Variants in EIF5B observed in about 807,000 individuals in gnomAD.
EIF5B encodes eukaryotic translation initiation factor 5B.
Under a neutral mutation model 147.5 loss-of-function variants are expected in EIF5B, and 47 were observed. The observed-to-expected ratio is 0.32, with a 90% CI of 0.25 to 0.41. The LOEUF (loss-of-function observed/expected upper bound fraction) is 0.41. Ranked by LOEUF, EIF5B falls within the 10% of genes least tolerant of loss-of-function variation. The pLI is 1.00. For missense variants in EIF5B, 1,064 were observed against 1,413.2 expected (o/e 0.75, Z 3.96); for synonymous variants, 455 against 456.2 (o/e 1.00, Z 0.03).
At chr2:99,398,642 T>C in intron 22 of EIF5B, 106 bp from the exon 23 acceptor site, 2 of 1,284,184 alleles carry the variant, frequency 1.6e-6, no homozygotes, top group South Asian at 3.1e-5. Context: ...TGCCATGACT[T>C]TTAAAACAGG....
intron 9 of EIF5B, among the ~76,000 whole-genome samples, chr2:99,372,031 G>C (rs556531616): frequency 6.6e-6 from 1 of 152,274 alleles, no homozygotes; most frequent in East Asian, 1.9e-4. Flanking sequence ...AAAAAGCACT[G>C]TTAACTTAAA....
intron 1 of EIF5B, among the ~76,000 whole-genome samples, chr2:99,345,750 GC>G (rs1202277525): frequency 6.6e-6 from 1 of 151,970 alleles, no homozygotes; most frequent in Non-Finnish European, 1.5e-5. Context: ...TTTAAGACCA[GC>G]CCGTGCAACG....
At chr2:99,351,082 T>C (rs1237433957) in intron 1 of EIF5B, among the ~76,000 whole-genome samples, 1 of 152,242 alleles carries the variant, frequency 6.6e-6, no homozygotes, top group East Asian at 1.9e-4. Context: ...ATCCCAGCAC[T>C]TTGGGAGGCC....
chr2:99,399,361 AAG>A lies in EIF5B; in HGVS notation c.3613_3614del (p.Ser1205Ter). 1 of 1,614,178 alleles carries A rather than the reference AAG, an allele frequency of 6.2e-7. No individual in the cohort carries two copies. Among genetic ancestry groups the A allele is most frequent in the Non-Finnish European group, 8.5e-7 (1 of 1,180,028 alleles). On this transcript the variant is annotated frameshift_variant, in exon 24 of 24. Transcript: ENST00000289371. LOFTEE classifies it high-confidence loss of function. Reference protein sequence around the residue: ...LKDWFRDEMQKSDWQLIVELK... With the variant: ...LKDWFRDEMQXSDWQLIVELK... ...AGACTGGTTCAGAGATGAAATGCAG[AAG>A]AGTGACTGGCAGCTTATTGTGGAGC...
At chr2:99,355,012 C>G (rs987993344) in intron 1 of EIF5B, among the ~76,000 whole-genome samples, 3 of 152,032 alleles carry the variant, frequency 2.0e-5, no homozygotes, top group African/African-American at 7.2e-5. Flanking sequence ...CCATGTTGGC[C>G]AGGCCAGTCT....
At chr2:99,363,513 T>G in intron 4 of EIF5B, 132 bp from the exon 5 acceptor site, 1 of 872,786 alleles carries the variant, frequency 1.1e-6, no homozygotes, top group South Asian at 1.7e-5. Context: ...CCTTGATGCC[T>G]GTAGAACTTA....
At chr2:99,338,056 T>C (rs565214843) in intron 1 of EIF5B, among the ~76,000 whole-genome samples, 97 of 152,338 alleles carry the variant, frequency 6.4e-4, no homozygotes, top group African/African-American at 2.2e-3. Flanking sequence ...GTTAGAGTTA[T>C]GGGGAGGTGT....
chr2:99,383,481 T>C (rs922948776), intron 14 of EIF5B, among the ~76,000 whole-genome samples: 1 of 152,120 alleles, frequency 6.6e-6, no homozygotes, highest in South Asian at 2.1e-4. Flanking sequence ...GAGTCACACA[T>C]AGAATATCAG....
rs1190196846 is a variant in EIF5B at position 99,394,795 on chromosome 2, A to G, written c.3166A>G (p.Ile1056Val). The change falls in exon 21 of 24, where the codon ATT becomes GTT. Residue 1056 changes from isoleucine (I) to valine (V), a missense_variant. Physicochemically the swap from Ile to Val is conservative, Grantham distance 29 (BLOSUM62 3). This residue lies in a region of EIF5B where 380 missense variants were observed against 715.6 expected (regional missense o/e 0.53). Transcript: ENST00000289371. ...QEMADSLGVRIFSAEIIYHLF... is the reference protein window; with the variant it reads ...QEMADSLGVRVFSAEIIYHLF... ...AATGGCTGATAGTTTAGGAGTTAGA[A>G]TTTTTAGTGCAGAAATTATTTATCA... is the stretch of plus-strand genomic sequence containing the variant. 6.2e-7 allele frequency: 1 copy of G among 1,613,464 alleles called. No homozygotes were observed. Among genetic ancestry groups the G allele is most frequent in the Admixed American group, 1.7e-5 (1 of 59,914 alleles).
At chr2:99,396,952 T>TC in intron 22 of EIF5B, 54 bp downstream of exon 22, 1 of 1,553,412 alleles carries the variant, frequency 6.4e-7, no homozygotes, top group Non-Finnish European at 8.7e-7. Context: ...TAAATGAGTG[T>TC]CCAAGAGTCG....
rs1674568309 is a variant in EIF5B at position 99,376,578 on chromosome 2, C to G, written c.1784C>G (p.Ser595Cys). Residue 595 changes from serine (S) to cysteine (C), a missense_variant, in exon 10 of 24, where the codon TCT becomes TGT. Ser to Cys is a moderately radical substitution (Grantham distance 112, BLOSUM62 -1). Transcript: ENST00000289371. ...ATGAGCTCAGATTCTGAATATGACT[C>G]TGATGATGATCGGACTAAAGAAGAA... Reference protein sequence around the residue: ...KEMSSDSEYDSDDDRTKEERA... With the variant: ...KEMSSDSEYDCDDDRTKEERA... 1 of 1,613,826 alleles carries G rather than the reference C, an allele frequency of 6.2e-7. No homozygotes were observed. The highest frequency in any genetic ancestry group is 1.7e-5 in the Admixed American group (1 of 59,992).
Position 99,364,285 on chromosome 2 carries a change from A to C in EIF5B, c.1152A>C (p.Gln384His). 2 of 1,600,094 alleles carry C rather than the reference A, an allele frequency of 1.2e-6. No individual in the cohort carries two copies. Among genetic ancestry groups the C allele is most frequent in the South Asian group, 2.3e-5 (2 of 88,162 alleles). The change falls in exon 6 of 24, where the codon CAA becomes CAC. Residue 384 changes from glutamine to histidine, a missense_variant. By Grantham distance (24) the Gln-to-His change is conservative. Coordinates refer to ENST00000289371, the MANE Select transcript of EIF5B (RefSeq NM_015904.4). ...AKRKEEERLE[Q>H]EKRERKKQKE... The stretch of plus-strand genomic sequence containing the variant: ...CTCTTTTATAGGAACGATTGGAACA[A>C]GAAAAAAGAGAAAGGAAAAAGCAAA...
chr2:99,391,717 T>G (rs1351184557), intron 17 of EIF5B, among the ~76,000 whole-genome samples: 10 of 152,042 alleles, frequency 6.6e-5, no homozygotes, highest in Non-Finnish European at 1.5e-4. Context: ...GTGTGTACTT[T>G]TATAGCTGGC....
At chr2:99,394,673 ACT>A in intron 20 of EIF5B, 44 bp from the exon 21 acceptor site, 2 of 1,609,586 alleles carry the variant, frequency 1.2e-6, no homozygotes, top group Admixed American at 1.7e-5. Flanking sequence ...TCTGTGACAT[ACT>A]CTGTTTTTCA....
intron 1 of EIF5B, among the ~76,000 whole-genome samples, chr2:99,349,416 T>C (rs1285636090): frequency 6.6e-6 from 1 of 152,258 alleles, no homozygotes; most frequent in African/African-American, 2.4e-5. Context: ...TGAAATTTGC[T>C]AAGTTTGGAA....
chr2:99,359,755 A>G (rs1191683296), intron 1 of EIF5B, among the ~76,000 whole-genome samples: 2 of 152,158 alleles, frequency 1.3e-5, no homozygotes, highest in Non-Finnish European at 1.5e-5. Context: ...TAGTTTTCCC[A>G]TTGGTAAAAT....
At chr2:99,398,651 G>T in intron 22 of EIF5B, 97 bp from the exon 23 acceptor site, 1 of 1,318,386 alleles carries the variant, frequency 7.6e-7, no homozygotes, top group Non-Finnish European at 1.0e-6. Flanking sequence ...TTTTAAAACA[G>T]GCTTTTGCTC....
intron 21 of EIF5B, 149 bp downstream of exon 21, chr2:99,395,032 A>C: frequency 1.3e-6 from 1 of 748,816 alleles, no homozygotes. Context: ...ACAAACCAGA[A>C]ACCCAACATA....
At chr2:99,369,572 G>C in intron 8 of EIF5B, 91 bp downstream of exon 8, 1 of 1,030,934 alleles carries the variant, frequency 9.7e-7, no homozygotes, top group Non-Finnish European at 1.4e-6. Context: ...TAAATAATTG[G>C]GGAGAACCAA....
Sources: allele counts gnomAD v4.1 joint callset (sites outside exome capture counted in the v4.1 genomes callset), GRCh38; gene constraint gnomAD v4.1.1; regional missense constraint gnomAD v4.1.1; transcripts MANE v1.5; gene names NCBI Gene and HGNC (gene_info 2026-07-23, HGNC 2026-07-21).